Variants in TOR2A observed in about 807,000 individuals in gnomAD.
TOR2A encodes torsin family 2 member A.
A neutral mutation model predicts 28.6 loss-of-function variants in TOR2A; 24 were observed. The observed-to-expected ratio is 0.84, with a 90% CI of 0.61 to 1.18. The LOEUF is 1.18. Among genes scored for constraint, TOR2A ranks in the 50% most tolerant of loss-of-function variants. TOR2A has a pLI of 0.00. For synonymous variants in TOR2A, 203 were observed against 203.1 expected (o/e 1.00, Z 0.00); for missense variants, 426 against 448.1 (o/e 0.95, Z 0.45).
At chr9:127,733,702 G>T in intron 2 of TOR2A, 142 bp from the exon 3 acceptor site, 2 of 758,048 alleles carry the variant, frequency 2.6e-6, no homozygotes, top group Non-Finnish European at 4.1e-6. Context: ...GACTGATGGT[G>T]AAACTGTATC....
intron 1 of TOR2A, 57 bp downstream of exon 1, chr9:127,735,063 G>A: frequency 7.3e-7 from 1 of 1,377,506 alleles, no homozygotes. Context: ...GGCTCCCAGC[G>A]CTCCCGCGTC....
chr9:127,733,354 C>G (rs564754), intron 3 of TOR2A, 31 bp downstream of exon 3: 957,883 of 1,613,334 alleles, frequency 0.59, 288,352 homozygotes, highest in African/African-American at 0.76. Flanking sequence ...AGTGGCCCCC[C>G]CACTGTGCCC....
chr9:127,733,261 C>T (rs776302046), intron 3 of TOR2A, 124 bp downstream of exon 3: 4 of 1,612,796 alleles, frequency 2.5e-6, no homozygotes, highest in Admixed American at 3.3e-5. Context: ...TGGCGGAGGG[C>T]ACTGGGAAAG....
At position 127,733,561 on chromosome 9, in the gene TOR2A, C is replaced by CT; in HGVS notation, c.418-2dup. 2 of 1,607,178 alleles carry CT rather than the reference C, an allele frequency of 1.2e-6. No homozygotes were observed. Among genetic ancestry groups the CT allele is most frequent in the Non-Finnish European group, 1.7e-6 (2 of 1,176,884 alleles). On this transcript the variant is annotated splice_acceptor_variant, in intron 2 of 4. Coordinates refer to ENST00000373284, the MANE Select transcript of TOR2A (RefSeq NM_001085347.3). LOFTEE classifies it high-confidence loss of function. ...CTTGGACCCAGCTCTTCAGATCCTT[C>CT]TGTAGGGGAGAGACAGGAGTTCCAG...
In TOR2A at chr9:127,732,657, A is replaced by T. The variant is rs186889170; in HGVS notation, c.628T>A (p.Leu210Met). The T allele has an allele frequency of 5.7e-6, 9 of 1,570,230 alleles. No homozygotes were observed. The East Asian group carries it at 2.1e-4, about 37-fold the overall frequency. The change falls in exon 4 of 5, where the codon TTG (leucine) becomes ATG (methionine). Residue 210 changes from leucine (L) to methionine (M), a missense_variant. Transcript: ENST00000373284. ...TGGKQINQVA[L>M]EAWRSRRDRE... ...TCCCGCCGGCTGCGCCACGCCTCCA[A>T]TGCCACCTGGTTGATCTGCTTGCCA...
rs775422105 is a variant in TOR2A, at chr9:127,733,376, G to T, written c.593+9C>A. The T allele has an allele frequency of 3.1e-6, 5 of 1,613,642 alleles. No homozygotes were observed. The highest frequency in any genetic ancestry group is 4.2e-6 in the Non-Finnish European group (5 of 1,180,046). On this transcript the variant is annotated intron_variant, in intron 3 of 4. Coordinates refer to ENST00000373284, the MANE Select transcript of TOR2A (RefSeq NM_001085347.3). Reference sequence around the variant, plus strand: ...CCCCCACTGTGCCCACTGCAAAGCCGGGCCCCACCTGATGAAGATGAAGAT... The same window carrying T: ...CCCCCACTGTGCCCACTGCAAAGCCTGGCCCCACCTGATGAAGATGAAGAT...
chr9:127,734,675 C>T, intron 1 of TOR2A, 111 bp from the exon 2 acceptor site: 2 of 1,263,284 alleles, frequency 1.6e-6, no homozygotes, highest in South Asian at 2.0e-5. Context: ...TTTGTCCAAG[C>T]TGCCTATGCA....
chr9:127,735,157 GC>G lies in TOR2A; in HGVS notation c.113del (p.Gly38AlafsTer34). ...GCCGGAAGTCGCATTCGCAAAAGGC[GC>G]CCAAGGTGCAGCGCAGGGAAGCCAG... is the stretch of plus-strand genomic sequence containing the variant. ...WDLASLRCTL[G>X]AFCECDFRPD... On this transcript the variant is annotated frameshift_variant, in exon 1 of 5. Transcript: ENST00000373284. LOFTEE classifies it high-confidence loss of function. 1 of 1,486,178 alleles carries G rather than the reference GC, an allele frequency of 6.7e-7. No homozygotes were observed. The highest frequency in any genetic ancestry group is 8.9e-7 in the Non-Finnish European group (1 of 1,126,004). 92.1% of individuals were successfully genotyped at this position (1,486,178 alleles called of 1,614,324 possible).
rs778019499 is a variant in TOR2A at position 127,732,082 on chromosome 9, G to A, written c.918C>T (p.Ser306=). 8 of 1,613,818 alleles carry A rather than the reference G, an allele frequency of 5.0e-6. No individual in the cohort carries two copies. In the African/African-American group the frequency reaches 8.0e-5, roughly 16 times the overall value. The change falls in exon 5 of 5, where the codon TCC becomes TCT. Residue 306 remains serine (S), a synonymous_variant. Coordinates refer to ENST00000373284, the MANE Select transcript of TOR2A (RefSeq NM_001085347.3). ...TFFPEDEQLF[S]SNGCKTVASR... ...AGGCCACGGTCTTGCAGCCGTTGGA[G>A]GAGAAGAGCTGCTCGTCTTCAGGGA...
At chr9:127,735,088 C>T (rs1437529546) in intron 1 of TOR2A, 32 bp downstream of exon 1, 2 of 1,417,912 alleles carry the variant, frequency 1.4e-6, no homozygotes, top group Admixed American at 3.2e-5. Flanking sequence ...CGCGTCCGCC[C>T]GCCCCTCGCT....
intron 3 of TOR2A, chr9:127,733,009 G>C: frequency 7.2e-7 from 1 of 1,388,032 alleles, no homozygotes; most frequent in East Asian, 2.5e-5. Flanking sequence ...CAGAGGCTCA[G>C]AGAGGCGGAG....
chr9:127,734,659 CT>C, intron 1 of TOR2A, 95 bp from the exon 2 acceptor site: 1 of 1,341,502 alleles, frequency 7.5e-7, no homozygotes, highest in Non-Finnish European at 9.6e-7. Flanking sequence ...CTCCTGTGTC[CT>C]TACGTTTGTC....
chr9:127,732,223 G>T lies in TOR2A; in HGVS notation c.777C>A (p.Pro259=), dbSNP rs199668522. ...MEERLLDAVV[P]FLPLQRHHVR... is the part of the protein sequence containing the mutation. ...CGTGGTGCCGCTGGAGCGGGAGGAA[G>T]GGCACCACTGCGTCTAGGAGGCGCT... Residue 259 remains proline (P), a synonymous_variant, in exon 5 of 5, where the codon CCC becomes CCA. Transcript: ENST00000373284. The T allele has an allele frequency of 3.7e-5, 60 of 1,609,362 alleles. No individual in the cohort carries two copies. Among genetic ancestry groups the T allele is most frequent in the Non-Finnish European group, 5.0e-5 (59 of 1,177,316 alleles).
chr9:127,731,958 G>A lies in TOR2A; in HGVS notation c.*76C>T. ...TCCGTTCATCTCACTTGGTGCTCTGGGTTCCTGTGACAGAGGCCCCTGGCC... is the reference window on the plus strand; with the variant it reads ...TCCGTTCATCTCACTTGGTGCTCTGAGTTCCTGTGACAGAGGCCCCTGGCC... On this transcript the variant is annotated 3_prime_UTR_variant, in exon 5 of 5. Transcript: ENST00000373284. The A allele has an allele frequency of 3.3e-6, 5 of 1,538,286 alleles. No individual in the cohort carries two copies. Among genetic ancestry groups the A allele is most frequent in the Non-Finnish European group, 4.4e-6 (5 of 1,144,108 alleles).
At chr9:127,733,000 A>C in intron 3 of TOR2A, 1 of 1,372,894 alleles carries the variant, frequency 7.3e-7, no homozygotes, top group Non-Finnish European at 9.5e-7. Flanking sequence ...AAGCAGAGAC[A>C]GAGGCTCAGA....
rs1264492125 is a variant in TOR2A, at chr9:127,735,148, G to A, written c.123C>T (p.Cys41=). ...GCAAGTCGGGCCGGAAGTCGCATTC[G>A]CAAAAGGCGCCCAAGGTGCAGCGCA... ...ASLRCTLGAF[C]ECDFRPDLPG... is the part of the protein sequence containing the mutation. The change falls in exon 1 of 5, where the codon TGC becomes TGT. Residue 41 remains cysteine, a synonymous_variant. Coordinates refer to ENST00000373284, the MANE Select transcript of TOR2A (RefSeq NM_001085347.3). 2.0e-6 allele frequency: 3 copies of A among 1,483,512 alleles called. No homozygotes were observed. The highest frequency in any genetic ancestry group is 2.2e-4 in the Middle Eastern group (1 of 4,582). The allele number at this position is 1,483,512 out of a possible 1,614,324, so 91.9% of individuals were successfully genotyped here. A position where few individuals can be genotyped will look rare whatever the true frequency, so the allele number is the denominator to read the frequency against.
chr9:127,734,725 C>T, intron 1 of TOR2A, 161 bp from the exon 2 acceptor site: 1 of 864,944 alleles, frequency 1.2e-6, no homozygotes, highest in South Asian at 3.0e-5. Context: ...GGAAAAGAGC[C>T]ACCTTCGGGC....
chr9:127,734,220 C>T, intron 2 of TOR2A, 79 bp downstream of exon 2: 3 of 1,486,958 alleles, frequency 2.0e-6, no homozygotes, highest in East Asian at 5.0e-5. Flanking sequence ...GCAGGTGACT[C>T]CCCTGTCTGG....
At chr9:127,734,705 G>A in intron 1 of TOR2A, 141 bp from the exon 2 acceptor site, 1 of 1,061,796 alleles carries the variant, frequency 9.4e-7, no homozygotes, top group South Asian at 2.6e-5. Context: ...CAAACCTTGG[G>A]GTCTGTGGCG....
Sources: gnomAD v4.1 joint callset for allele counts on GRCh38, gnomAD v4.1.1 for gene constraint, MANE v1.5 for transcripts, NCBI Gene and HGNC (gene_info 2026-07-23, HGNC 2026-07-21) for gene names.